The following RBFOX1 variants were observed in gnomAD, a reference collection of about 807,000 sequenced individuals.
RBFOX1 encodes RNA binding protein fox-1 homolog 1.
Under a neutral mutation model 57.7 loss-of-function variants are expected in RBFOX1, and 8 were observed. That is an observed-to-expected ratio of 0.14 (90% CI 0.08 to 0.25). The LOEUF (loss-of-function observed/expected upper bound fraction) is 0.25. RBFOX1 is among the 10% of genes least tolerant of loss of function. The probability of loss-of-function intolerance (pLI) is 1.00; values close to 1 mark genes in which losing one functional copy is unlikely to be tolerated. For synonymous variants in RBFOX1, 326 were observed against 222.4 expected (o/e 1.47, Z -4.15); for missense variants, 611 against 548.5 (o/e 1.11, Z -1.14).
At chr16:5,461,483 C>T (rs1047944427) in intron 1 of RBFOX1, among the ~76,000 whole-genome samples, 5 of 152,130 alleles carry the variant, frequency 3.3e-5, no homozygotes, top group Admixed American at 2.6e-4. Context: ...ACTTTGGGCC[C>T]TGCAGCTGCA....
intron 1 of RBFOX1, among the ~76,000 whole-genome samples, chr16:6,220,421 C>T (rs957478511): frequency 6.6e-6 from 1 of 152,142 alleles, no homozygotes; most frequent in Admixed American, 6.5e-5. Context: ...GGGATTGAAA[C>T]AAGAGAAAAG....
intron 1 of RBFOX1, among the ~76,000 whole-genome samples, chr16:6,104,246 T>C (rs1357514636): frequency 4.6e-5 from 7 of 152,216 alleles, no homozygotes; most frequent in Non-Finnish European, 8.8e-5. Context: ...TGGGCAGTGA[T>C]TAATGGTTCC....
Position 7,065,921 on chromosome 16 carries a change from C to T in RBFOX1, c.27+13823C>T, listed in dbSNP as rs951740677. Among the ~76,000 whole-genome samples the T allele has an allele frequency of 1.2e-4, 18 of 152,200 alleles. No homozygotes were observed. The East Asian group carries it at 3.5e-3, about 29-fold the overall frequency. Reference sequence around the variant, plus strand: ...GGGTACATGTCTTTCTGTGTAAGGCCCTGATCCTTATGTGTTTTTCCCCCA... The same window carrying T: ...GGGTACATGTCTTTCTGTGTAAGGCTCTGATCCTTATGTGTTTTTCCCCCA... On this transcript the variant is annotated intron_variant, in intron 4 of 15. Transcript: ENST00000550418.
intron 5 of RBFOX1, among the ~76,000 whole-genome samples, chr16:7,528,788 G>A (rs1600971355): frequency 6.6e-6 from 1 of 152,162 alleles, no homozygotes; most frequent in East Asian, 1.9e-4. Flanking sequence ...AAGTTCCTAT[G>A]AATTCCATGC....
chr16:7,624,127 G>C (rs941104649), intron 10 of RBFOX1, among the ~76,000 whole-genome samples: 1 of 152,136 alleles, frequency 6.6e-6, no homozygotes, highest in African/African-American at 2.4e-5. Flanking sequence ...CCTTTGTAAT[G>C]CCAGTAAAGG....
chr16:6,562,399 C>G lies in RBFOX1; in HGVS notation c.-63-92204C>G, dbSNP rs189252178. Among the ~76,000 whole-genome samples the G allele has an allele frequency of 3.3e-3, 498 of 152,306 alleles. 1 individual carries two copies. The highest frequency in any genetic ancestry group is 0.011 in the African/African-American group (478 of 41,568). ...ATAAACTGTGTATCACTCTTCAGAG[C>G]ACATATTGAATATTTAATAGGCATC... On this transcript the variant is annotated intron_variant, in intron 2 of 15. Transcript: ENST00000550418.
chr16:5,687,801 G>A (rs1477246498), intron 3 of RBFOX1, among the ~76,000 whole-genome samples: 3 of 152,118 alleles, frequency 2.0e-5, no homozygotes, highest in Admixed American at 6.6e-5. Context: ...CTGAAGTACC[G>A]GGTATGTATG....
chr16:5,454,777 C>CT (rs1368033914), intron 1 of RBFOX1, among the ~76,000 whole-genome samples: 1,018 of 18,706 alleles, frequency 0.054, 34 homozygotes, highest in African/African-American at 0.19. Context: ...CTCTTTCTTT[C>CT]TTTCTTTCTT....
At chr16:6,147,553 C>A (rs2096767897) in intron 1 of RBFOX1, among the ~76,000 whole-genome samples, 1 of 152,052 alleles carries the variant, frequency 6.6e-6, no homozygotes, top group African/African-American at 2.4e-5. Context: ...ATAGGAGCTA[C>A]CTCAAAAACA....
intron 4 of RBFOX1, among the ~76,000 whole-genome samples, chr16:7,281,508 G>C (rs1294096133): frequency 6.6e-6 from 1 of 152,014 alleles, no homozygotes. Flanking sequence ...AAAAAGGATT[G>C]CACACATACA....
At chr16:6,494,920 G>A (rs1209486817) in intron 2 of RBFOX1, among the ~76,000 whole-genome samples, 6 of 152,150 alleles carry the variant, frequency 3.9e-5, no homozygotes, top group African/African-American at 1.2e-4. Flanking sequence ...AGCCTGTTAT[G>A]TATGCTAACT....
At chr16:6,536,237 T>C (rs2096733566) in intron 2 of RBFOX1, among the ~76,000 whole-genome samples, 1 of 152,220 alleles carries the variant, frequency 6.6e-6, no homozygotes, top group African/African-American at 2.4e-5. Context: ...TTCCTTGGAC[T>C]TCAGATAAAT....
chr16:7,483,628 G>T (rs560410807), intron 4 of RBFOX1, among the ~76,000 whole-genome samples: 1 of 152,270 alleles, frequency 6.6e-6, no homozygotes, highest in East Asian at 1.9e-4. Context: ...TGGGGTGGCT[G>T]ATAATAGAAT....
At chr16:7,031,159 G>T (rs527386067) in intron 3 of RBFOX1, among the ~76,000 whole-genome samples, 1 of 152,300 alleles carries the variant, frequency 6.6e-6, no homozygotes, top group African/African-American at 2.4e-5. Context: ...CTACAGCTTT[G>T]CATGTAGAGA....
At chr16:6,680,940 A>G (rs17728613) in intron 3 of RBFOX1, among the ~76,000 whole-genome samples, 1 of 152,198 alleles carries the variant, frequency 6.6e-6, no homozygotes, top group African/African-American at 2.4e-5. Flanking sequence ...ATTGAGCTGC[A>G]TGATAATTGG....
Position 7,145,148 on chromosome 16 carries a change from G to A in RBFOX1, c.27+93050G>A, listed in dbSNP as rs192050625. Reference sequence around the variant, plus strand: ...CTCAGGATGGTTTTGCTGCAAGCAGGGGGTACCATCCCAATCATTTCTTTA... The same window carrying A: ...CTCAGGATGGTTTTGCTGCAAGCAGAGGGTACCATCCCAATCATTTCTTTA... On this transcript the variant is annotated intron_variant, in intron 4 of 15. Transcript: ENST00000550418. Among the ~76,000 whole-genome samples the A allele has an allele frequency of 2.6e-5, 4 of 152,256 alleles. No homozygotes were observed. In the South Asian group the frequency reaches 8.3e-4, roughly 32 times the overall value.
At chr16:6,217,298 G>A (rs545267073) in intron 1 of RBFOX1, among the ~76,000 whole-genome samples, 53 of 148,430 alleles carry the variant, frequency 3.6e-4, no homozygotes, top group Non-Finnish European at 5.8e-4. Context: ...GAATACTACC[G>A]TATTTCCTTT....
intron 2 of RBFOX1, among the ~76,000 whole-genome samples, chr16:6,482,013 A>C (rs1362087951): frequency 6.6e-6 from 1 of 152,238 alleles, no homozygotes; most frequent in Non-Finnish European, 1.5e-5. Context: ...GACACACTTG[A>C]AATATTGCCT....
chr16:5,986,534 C>A (rs566736742), intron 4 of RBFOX1, among the ~76,000 whole-genome samples: 1 of 152,212 alleles, frequency 6.6e-6, no homozygotes, highest in Non-Finnish European at 1.5e-5. Context: ...CCCACATTCA[C>A]CTCCCTCTCA....
Sources: gnomAD v4.1 joint callset for allele counts (sites outside exome capture counted in the v4.1 genomes callset) on GRCh38, gnomAD v4.1.1 for gene constraint, MANE v1.5 for transcripts, NCBI Gene and HGNC (gene_info 2026-07-23, HGNC 2026-07-21) for gene names.